Variants in CCDC7 observed in about 807,000 individuals in gnomAD.
CCDC7 encodes coiled-coil domain-containing protein 7.
In CCDC7, 183 loss-of-function variants were observed where a neutral mutation model predicts 196.9. That is an observed-to-expected ratio of 0.93 (90% CI 0.82 to 1.05). The LOEUF is 1.05. Among genes scored for constraint, CCDC7 ranks in the 50% least tolerant of loss-of-function variants. CCDC7 has a pLI of 0.00. For synonymous variants in CCDC7, 525 were observed against 484.6 expected (o/e 1.08, Z -1.10); for missense variants, 1,540 against 1,482.2 (o/e 1.04, Z -0.64).
chr10:32,561,314 C>A (rs1297120453), intron 13 of CCDC7, among the ~76,000 whole-genome samples: 1 of 152,194 alleles, frequency 6.6e-6, no homozygotes, highest in African/African-American at 2.4e-5. Flanking sequence ...TAGACATCTA[C>A]AGAACTCTCC....
chr10:32,454,306 A>G (rs945494857), intron 2 of CCDC7, among the ~76,000 whole-genome samples: 2 of 152,214 alleles, frequency 1.3e-5, no homozygotes, highest in African/African-American at 4.8e-5. Context: ...TGTAATCACA[A>G]TCCTTATCCT....
chr10:32,694,947 C>T lies in CCDC7; in HGVS notation c.2413C>T (p.Gln805Ter). 6.2e-7 allele frequency: 1 copy of T among 1,603,948 alleles called. No individual in the cohort carries two copies. Among genetic ancestry groups the T allele is most frequent in the Non-Finnish European group, 8.5e-7 (1 of 1,175,148 alleles). ...AGATTCAGTGTCAAAACTGGAAATG[C>T]AAATTGAAAAAACCAAAAAACTTCC... Residue 805 changes from glutamine (Q) to a stop codon, truncating the protein, a stop_gained, in exon 24 of 42, where the codon CAA becomes TAA. Transcript: ENST00000639629. LOFTEE classifies it high-confidence loss of function.
At chr10:32,488,956 G>A (rs923271384) in intron 8 of CCDC7, among the ~76,000 whole-genome samples, 3 of 152,202 alleles carry the variant, frequency 2.0e-5, no homozygotes, top group African/African-American at 4.8e-5. Context: ...TTTTTCGGCT[G>A]TGGTTGATAT....
chr10:32,704,522 A>G (rs868039980), intron 24 of CCDC7, among the ~76,000 whole-genome samples: 32 of 152,014 alleles, frequency 2.1e-4, no homozygotes, highest in African/African-American at 6.5e-4. Flanking sequence ...GAGAACCACT[A>G]CTCTCTTCAC....
At chr10:32,737,293 A>G (rs2085025108) in intron 28 of CCDC7, among the ~76,000 whole-genome samples, 2 of 152,124 alleles carry the variant, frequency 1.3e-5, no homozygotes, top group Non-Finnish European at 1.5e-5. Flanking sequence ...ATCTTTATTC[A>G]TGAGAGATGT....
At chr10:32,735,949 T>G (rs2084789372) in intron 28 of CCDC7, among the ~76,000 whole-genome samples, 1 of 152,192 alleles carries the variant, frequency 6.6e-6, no homozygotes, top group Non-Finnish European at 1.5e-5. Flanking sequence ...TTTCCTTTGC[T>G]TCTTTGTAAA....
At chr10:32,879,483 G>C (rs1008011566), downstream of CCDC7, among the ~76,000 whole-genome samples, 1 of 152,076 alleles carries the variant, frequency 6.6e-6, no homozygotes. Flanking sequence ...GGGTGGCTCA[G>C]TGCATGGCCC....
chr10:32,619,588 T>G (rs2063153616), intron 18 of CCDC7, among the ~76,000 whole-genome samples: 1 of 152,116 alleles, frequency 6.6e-6, no homozygotes, highest in Admixed American at 6.6e-5. Context: ...TACCAGATCT[T>G]AGACAATCTT....
chr10:32,710,105 C>T lies in CCDC7; in HGVS notation c.2459-1515C>T, dbSNP rs927522154. ...CTTTGCTTATCCTCCTTGAGCAAAA[C>T]CTATTCTGTCATGACACTCTAAAGG... On this transcript the variant is annotated intron_variant, in intron 24 of 41. Transcript: ENST00000639629. Among the ~76,000 whole-genome samples the T allele has an allele frequency of 2.6e-5, 4 of 152,148 alleles. No homozygotes were observed. In the South Asian group the frequency reaches 6.2e-4, roughly 24 times the overall value.
rs557922370 is a variant in CCDC7, at chr10:32,591,848, G to C, written c.1801+7544G>C. On this transcript the variant is annotated intron_variant, in intron 18 of 41. Coordinates refer to ENST00000639629, the Ensembl canonical transcript of CCDC7. ...TCTGTCCCAGGGTAGGTCCAGAAAT[G>C]CCATCTAAGAGCAAAGGTCTGGAAT... Among the ~76,000 whole-genome samples the C allele has an allele frequency of 7.2e-5, 11 of 152,278 alleles. No individual in the cohort carries two copies. The East Asian group carries it at 1.7e-3, about 24-fold the overall frequency.
intron 18 of CCDC7, among the ~76,000 whole-genome samples, chr10:32,631,118 C>T (rs527316221): frequency 6.6e-5 from 10 of 152,310 alleles, no homozygotes; most frequent in African/African-American, 2.4e-4. Flanking sequence ...GATGAAACCT[C>T]TAGATGATGG....
chr10:32,873,404 C>A (rs1301888207), intron 41 of CCDC7, among the ~76,000 whole-genome samples: 1 of 151,930 alleles, frequency 6.6e-6, no homozygotes, highest in Admixed American at 6.6e-5. Context: ...TTAAGGACTT[C>A]TCTGCATTGG....
At chr10:32,471,228 T>C (rs916519094) in exon 6 of CCDC7, 2 of 1,603,800 alleles carry the variant, frequency 1.2e-6, no homozygotes, top group Non-Finnish European at 1.7e-6. Flanking sequence ...TGTCTAAAAC[T>C]ATGTAAGTGA....
At chr10:32,511,059 TAAAG>T (rs2046032274) in intron 9 of CCDC7, among the ~76,000 whole-genome samples, 10 of 150,218 alleles carry the variant, frequency 6.7e-5, no homozygotes, top group Admixed American at 6.6e-4. Context: ...CTGACCTATA[TAAAG>T]AAATAAGAGT....
In CCDC7 at chr10:32,653,143, A is replaced by C. The variant is rs573494643; in HGVS notation, c.2015-10911A>C. Among the ~76,000 whole-genome samples, 3 of 152,170 alleles carry C rather than the reference A, an allele frequency of 2.0e-5. No homozygotes were observed. The East Asian group carries it at 5.8e-4, about 29-fold the overall frequency. ...TCATCTTACTTCCCCCTAACCTGTA[A>C]AATTATTATTATTTTTTATATTTGG... On this transcript the variant is annotated intron_variant, in intron 20 of 41. Coordinates refer to ENST00000639629, the Ensembl canonical transcript of CCDC7.
In CCDC7 at chr10:32,462,716, T is replaced by G; in HGVS notation, c.477+13T>G. 1 of 1,461,174 alleles carries G rather than the reference T, an allele frequency of 6.8e-7. No individual in the cohort carries two copies. The highest frequency in any genetic ancestry group is 9.3e-7 in the Non-Finnish European group (1 of 1,075,742). The allele number at this position is 1,461,174 out of a possible 1,614,324, so 90.5% of individuals were successfully genotyped here. A position where few individuals can be genotyped will look rare whatever the true frequency, so the allele number is the denominator to read the frequency against. The stretch of plus-strand genomic sequence containing the variant: ...ATCTCTTTTTAAGGTACGTTCAATA[T>G]ATTACAGCTTAAGCCTACTAAAACT... On this transcript the variant is annotated intron_variant, in intron 4 of 41. Coordinates refer to ENST00000639629, the Ensembl canonical transcript of CCDC7.
chr10:32,571,740 C>A (rs910574899), intron 15 of CCDC7, 119 bp from the exon 17 acceptor site: 4 of 932,768 alleles, frequency 4.3e-6, no homozygotes, highest in Non-Finnish European at 5.8e-6. Context: ...TTTTTTGATA[C>A]CTTAATCTTA....
In CCDC7 at chr10:32,517,990, C is replaced by T. The variant is rs1435757123; in HGVS notation, c.903+15C>T. The T allele has an allele frequency of 1.4e-5, 22 of 1,555,818 alleles. No individual in the cohort carries two copies. Among genetic ancestry groups the T allele is most frequent in the African/African-American group, 2.8e-5 (2 of 70,930 alleles). On this transcript the variant is annotated intron_variant, in intron 10 of 41. Transcript: ENST00000639629. Reference sequence around the variant, plus strand: ...TGTTAGATGCTGTAAGTATAGTACTCTCAATTTGAAATTACACTTTGTCCT... The same window carrying T: ...TGTTAGATGCTGTAAGTATAGTACTTTCAATTTGAAATTACACTTTGTCCT...
At chr10:32,684,698 C>T (rs2076259952) in intron 21 of CCDC7, among the ~76,000 whole-genome samples, 2 of 152,216 alleles carry the variant, frequency 1.3e-5, no homozygotes, top group South Asian at 4.1e-4. Context: ...TCTAGTCAGC[C>T]ATGTTGGTCT....
Sources: allele counts gnomAD v4.1 joint callset (sites outside exome capture counted in the v4.1 genomes callset), GRCh38; gene constraint gnomAD v4.1.1; transcripts MANE v1.5; gene names NCBI Gene and HGNC (gene_info 2026-07-23, HGNC 2026-07-21).